Variants in NCKAP5 observed in about 807,000 individuals in gnomAD.
NCKAP5 encodes the protein nck-associated protein 5.
In NCKAP5, 92 loss-of-function variants were observed where a neutral mutation model predicts 167.0. That is an observed-to-expected ratio of 0.55 (90% confidence interval 0.47 to 0.66). NCKAP5 has a LOEUF of 0.66. Ranked by LOEUF, NCKAP5 falls within the 30% of genes least tolerant of loss-of-function variation. NCKAP5 has a pLI of 0.00. For synonymous variants in NCKAP5, 891 were observed against 877.4 expected, an observed-to-expected ratio of 1.02 and a Z score of -0.27; for missense variants, 2,378 against 2,315.0, an observed-to-expected ratio of 1.03 and a Z score of -0.56.
At chr2:133,067,194 A>C (rs527895799) in intron 6 of NCKAP5, among the ~76,000 whole-genome samples, 1 of 152,102 alleles carries the variant, frequency 6.6e-6, no homozygotes, top group African/African-American at 2.4e-5. Flanking sequence ...GTACTGTTCA[A>C]TAAGGTCTTC....
At chr2:133,546,097 C>G (rs1686645189) in intron 2 of NCKAP5, among the ~76,000 whole-genome samples, 2 of 151,962 alleles carry the variant, frequency 1.3e-5, no homozygotes, top group African/African-American at 4.8e-5. Flanking sequence ...CCCCACACCC[C>G]CGCCTTGCAT....
intron 11 of NCKAP5, among the ~76,000 whole-genome samples, chr2:132,838,005 C>T (rs1433447924): frequency 6.6e-6 from 1 of 152,234 alleles, no homozygotes; most frequent in Non-Finnish European, 1.5e-5. Flanking sequence ...TTAAGCTTAA[C>T]TCCCTCTTGT....
intron 8 of NCKAP5, among the ~76,000 whole-genome samples, chr2:132,957,022 A>G (rs887475396): frequency 6.6e-6 from 1 of 152,140 alleles, no homozygotes; most frequent in Non-Finnish European, 1.5e-5. Flanking sequence ...TGGGACCTTA[A>G]TTAGTCCCAC....
intron 10 of NCKAP5, among the ~76,000 whole-genome samples, chr2:132,863,459 A>G (rs1690098636): frequency 1.3e-5 from 2 of 151,986 alleles, no homozygotes; most frequent in South Asian, 2.1e-4. Context: ...AAAAAAAAAA[A>G]AAAAAGAAAA....
At chr2:133,597,151 G>A in the NCKAP5 span, among the ~76,000 whole-genome samples, 9 of 152,182 alleles carry the variant, frequency 5.9e-5, no homozygotes, top group South Asian at 2.1e-4. Context: ...TCTGTGGAGC[G>A]GAGCCACAGC....
the NCKAP5 span, among the ~76,000 whole-genome samples, chr2:133,594,695 G>C: frequency 6.6e-6 from 1 of 152,114 alleles, no homozygotes; most frequent in African/African-American, 2.4e-5. Flanking sequence ...TTTTCTTGCA[G>C]GGTTTTGTCA....
intron 3 of NCKAP5, among the ~76,000 whole-genome samples, chr2:133,435,858 T>C (rs1690441968): frequency 6.6e-6 from 1 of 152,178 alleles, no homozygotes; most frequent in Non-Finnish European, 1.5e-5. Context: ...GGGGTTCCTT[T>C]TTGGTTCCCT....
intron 3 of NCKAP5, among the ~76,000 whole-genome samples, chr2:133,449,533 TG>T (rs1455639099): frequency 6.6e-6 from 1 of 152,226 alleles, no homozygotes; most frequent in Non-Finnish European, 1.5e-5. Flanking sequence ...TCGAAATAGT[TG>T]GACTTTTGGG....
chr2:132,857,205 T>C (rs1689540620), intron 11 of NCKAP5, among the ~76,000 whole-genome samples: 1 of 152,180 alleles, frequency 6.6e-6, no homozygotes, highest in Non-Finnish European at 1.5e-5. Context: ...ACACACACTT[T>C]ATACATTGTC....
chr2:132,967,160 C>T (rs1048361686), intron 7 of NCKAP5, among the ~76,000 whole-genome samples: 19 of 119,624 alleles, frequency 1.6e-4, no homozygotes, highest in Non-Finnish European at 2.8e-4. Context: ...ACTGCCCTAT[C>T]GTACACACAC....
intron 2 of NCKAP5, among the ~76,000 whole-genome samples, chr2:133,520,322 T>A (rs1031050772): frequency 6.6e-6 from 1 of 152,184 alleles, no homozygotes; most frequent in South Asian, 2.1e-4. Flanking sequence ...AGCTAATGTA[T>A]CTCTCTCAGC....
chr2:133,223,537 TTTAA>T (rs2086747984), intron 4 of NCKAP5, among the ~76,000 whole-genome samples: 1 of 152,160 alleles, frequency 6.6e-6, no homozygotes, highest in South Asian at 2.1e-4. Context: ...TGGCAGATCA[TTTAA>T]TTACTCATCC....
chr2:133,056,119 T>C (rs1054019961), intron 6 of NCKAP5, among the ~76,000 whole-genome samples: 3 of 152,144 alleles, frequency 2.0e-5, no homozygotes, highest in African/African-American at 7.2e-5. Flanking sequence ...CTGATGTGGA[T>C]TATTTTGTCT....
chr2:133,363,693 G>T (rs548352616), intron 3 of NCKAP5, among the ~76,000 whole-genome samples: 2 of 152,034 alleles, frequency 1.3e-5, no homozygotes, highest in Non-Finnish European at 2.9e-5. Context: ...ATATTTTCAT[G>T]TTAAAGACAT....
At chr2:132,875,369 G>A (rs531446551) in intron 9 of NCKAP5, among the ~76,000 whole-genome samples, 20 of 152,064 alleles carry the variant, frequency 1.3e-4, no homozygotes, top group Admixed American at 5.2e-4. Context: ...TCACCTACCC[G>A]CTGCTCCTCC....
In NCKAP5 at chr2:133,507,932, T is replaced by C. The variant is rs141566361; in HGVS notation, c.69+9526A>G. On this transcript the variant is annotated intron_variant, in intron 3 of 19. Coordinates refer to ENST00000409261, the MANE Select transcript of NCKAP5 (RefSeq NM_207363.3). Reference sequence around the variant, plus strand: ...ACTATACTGCTGAGTGGTAAATTAGTGTAAGATACCTAGGCTGCTGAAATA... The same window carrying C: ...ACTATACTGCTGAGTGGTAAATTAGCGTAAGATACCTAGGCTGCTGAAATA... Among the ~76,000 whole-genome samples, 789 of 152,286 alleles carry C rather than the reference T, an allele frequency of 5.2e-3. 6 individuals are homozygous for C. The highest frequency in any genetic ancestry group is 0.024 in the Middle Eastern group (7 of 294).
At chr2:133,305,864 A>G (rs1371789265) in intron 3 of NCKAP5, among the ~76,000 whole-genome samples, 1 of 152,196 alleles carries the variant, frequency 6.6e-6, no homozygotes, top group East Asian at 1.9e-4. Flanking sequence ...AACATTCAAT[A>G]TATTTTACTT....
chr2:132,738,381 GCA>G (rs1024360867), intron 16 of NCKAP5, among the ~76,000 whole-genome samples: 5 of 152,160 alleles, frequency 3.3e-5, no homozygotes, highest in Non-Finnish European at 5.9e-5. Context: ...AGCTAGTGTG[GCA>G]CAGTAACTCT....
chr2:132,825,179 G>A (rs1574340190), intron 11 of NCKAP5, among the ~76,000 whole-genome samples: 1 of 152,128 alleles, frequency 6.6e-6, no homozygotes, highest in South Asian at 2.1e-4. Context: ...AGCTATCCTC[G>A]TACTGCCCAC....
Sources: allele counts gnomAD v4.1 joint callset (sites outside exome capture counted in the v4.1 genomes callset), GRCh38; gene constraint gnomAD v4.1.1; transcripts MANE v1.5; gene names NCBI Gene and HGNC (gene_info 2026-07-23, HGNC 2026-07-21).